The following HS3ST5 variants were observed in gnomAD, a reference collection of about 807,000 sequenced individuals.
The protein encoded by HS3ST5 is heparan sulfate glucosamine 3-O-sulfotransferase 5.
In HS3ST5, 10 loss-of-function variants were observed where a neutral mutation model predicts 25.4. The ratio of observed to expected loss-of-function variants is 0.39; its 90% CI spans 0.24 to 0.67. HS3ST5 has a LOEUF of 0.67. HS3ST5 is among the 30% of genes least tolerant of loss of function. The pLI, the probability that HS3ST5 is intolerant of heterozygous loss-of-function variation, is 0.44. For missense variants in HS3ST5, 324 were observed against 420.7 expected (o/e 0.77, Z 2.01); for synonymous variants, 170 against 162.4 (o/e 1.05, Z -0.36).
chr6:114,203,877 T>C (rs1046405882), intron 2 of HS3ST5, among the ~76,000 whole-genome samples: 6 of 152,128 alleles, frequency 3.9e-5, no homozygotes, highest in African/African-American at 1.4e-4. Context: ...ACCACTGTCT[T>C]AGTGTGATTG....
intron 1 of HS3ST5, among the ~76,000 whole-genome samples, chr6:114,319,519 T>C (rs1775878980): frequency 6.6e-6 from 1 of 152,152 alleles, no homozygotes; most frequent in Non-Finnish European, 1.5e-5. Context: ...CATCTTTTAA[T>C]TCTACTTTTT....
intron 2 of HS3ST5, among the ~76,000 whole-genome samples, chr6:114,227,016 AACT>A (rs1309840897): frequency 6.6e-6 from 1 of 151,948 alleles, no homozygotes; most frequent in Non-Finnish European, 1.5e-5. Context: ...TAAACTTGTG[AACT>A]ACAAATTTTA....
chr6:114,328,962 A>G (rs565893452), intron 1 of HS3ST5, among the ~76,000 whole-genome samples: 5 of 152,102 alleles, frequency 3.3e-5, no homozygotes, highest in East Asian at 1.9e-4. Context: ...TTTGAAGTTA[A>G]ATAGTTTTTT....
intron 3 of HS3ST5, among the ~76,000 whole-genome samples, chr6:114,081,835 TC>T (rs1466671005): frequency 3.9e-5 from 6 of 152,248 alleles, no homozygotes; most frequent in South Asian, 2.1e-4. Context: ...CGCTCACTAT[TC>T]CTTTTTTATT....
intron 3 of HS3ST5, among the ~76,000 whole-genome samples, chr6:114,083,283 G>A (rs185874629): frequency 6.6e-6 from 1 of 152,232 alleles, no homozygotes; most frequent in Admixed American, 6.5e-5. Context: ...GCACTTATAT[G>A]GAGAAGAAAC....
At chr6:114,176,712 T>TC (rs1779740685) in intron 2 of HS3ST5, among the ~76,000 whole-genome samples, 1 of 152,016 alleles carries the variant, frequency 6.6e-6, no homozygotes, top group African/African-American at 2.4e-5. Flanking sequence ...CCCCACGCTA[T>TC]CCCCCAAAAA....
intron 3 of HS3ST5, among the ~76,000 whole-genome samples, chr6:114,073,089 A>G (rs1169017579): frequency 6.6e-6 from 1 of 152,224 alleles, no homozygotes; most frequent in Admixed American, 6.5e-5. Context: ...CTGGCTAGCC[A>G]TATGTAGAAA....
At chr6:114,286,260 A>G (rs1582788364) in intron 1 of HS3ST5, among the ~76,000 whole-genome samples, 1 of 152,044 alleles carries the variant, frequency 6.6e-6, no homozygotes, top group East Asian at 1.9e-4. Flanking sequence ...AATAAATTTA[A>G]TAAAATGGTC....
intron 1 of HS3ST5, among the ~76,000 whole-genome samples, chr6:114,303,198 G>A (rs1186926677): frequency 3.9e-5 from 6 of 152,006 alleles, no homozygotes; most frequent in African/African-American, 1.4e-4. Flanking sequence ...ATGGATTTTG[G>A]AGCCTTTACT....
At chr6:114,324,616 G>T (rs549603063) in intron 1 of HS3ST5, among the ~76,000 whole-genome samples, 2 of 152,312 alleles carry the variant, frequency 1.3e-5, no homozygotes, top group Non-Finnish European at 2.9e-5. Flanking sequence ...AGTGTCACTT[G>T]TCAGTTATTG....
intron 3 of HS3ST5, among the ~76,000 whole-genome samples, chr6:114,126,043 C>A (rs1382700880): frequency 2.0e-5 from 3 of 152,148 alleles, no homozygotes; most frequent in African/African-American, 7.2e-5. Context: ...AATCAAAGAG[C>A]AGCGTGAATC....
At chr6:114,076,757 G>A (rs1272219640) in intron 3 of HS3ST5, among the ~76,000 whole-genome samples, 7 of 152,194 alleles carry the variant, frequency 4.6e-5, no homozygotes. Context: ...GAGGGGCACA[G>A]GAACAGGGCA....
chr6:114,196,052 C>G (rs1780733533), intron 2 of HS3ST5, among the ~76,000 whole-genome samples: 1 of 152,168 alleles, frequency 6.6e-6, no homozygotes, highest in Admixed American at 6.6e-5. Flanking sequence ...CTTATAAAAG[C>G]CTTTGCGTTC....
At chr6:114,284,299 C>T (rs1001639409) in intron 1 of HS3ST5, among the ~76,000 whole-genome samples, 1 of 151,954 alleles carries the variant, frequency 6.6e-6, no homozygotes, top group African/African-American at 2.4e-5. Context: ...GCTTTCATAT[C>T]GAGACATTAT....
At chr6:114,063,898 T>C (rs1562180841) in intron 3 of HS3ST5, among the ~76,000 whole-genome samples, 1 of 152,146 alleles carries the variant, frequency 6.6e-6, no homozygotes, top group Non-Finnish European at 1.5e-5. Flanking sequence ...GGTTTGGTGA[T>C]ATTGGTCTCA....
At chr6:114,254,445 A>G (rs1284469603) in intron 1 of HS3ST5, among the ~76,000 whole-genome samples, 2 of 152,352 alleles carry the variant, frequency 1.3e-5, no homozygotes, top group East Asian at 1.9e-4. Context: ...AGGCTATTGC[A>G]AGTCAAGAAA....
At position 114,187,853 on chromosome 6, in the gene HS3ST5, C is replaced by T. The variant is rs573204006; in HGVS notation, c.-144-19391G>A. On this transcript the variant is annotated intron_variant, in intron 2 of 4. Coordinates refer to ENST00000312719, the MANE Select transcript of HS3ST5 (RefSeq NM_153612.4). Reference sequence around the variant, plus strand: ...ATTGCCACAGCCACCCAACCTTCAGCGACCACAGACCTGACCAGTCAGCCA... The same window carrying T: ...ATTGCCACAGCCACCCAACCTTCAGTGACCACAGACCTGACCAGTCAGCCA... Among the ~76,000 whole-genome samples the T allele has an allele frequency of 1.1e-4, 16 of 152,252 alleles. No individual in the cohort carries two copies. In the South Asian group the frequency reaches 2.1e-3, roughly 20 times the overall value.
chr6:114,306,610 A>G (rs1039441933), intron 1 of HS3ST5, among the ~76,000 whole-genome samples: 3 of 152,066 alleles, frequency 2.0e-5, no homozygotes, highest in African/African-American at 7.2e-5. Context: ...AAACATTCTC[A>G]ATATTCTACA....
chr6:114,179,727 C>CACAA (rs2115020804), intron 2 of HS3ST5, among the ~76,000 whole-genome samples: 1 of 144,868 alleles, frequency 6.9e-6, no homozygotes, highest in Non-Finnish European at 1.5e-5. Context: ...AATTGACTCA[C>CACAA]ACAAACACAA....
Sources: allele counts gnomAD v4.1 joint callset (sites outside exome capture counted in the v4.1 genomes callset), GRCh38; gene constraint gnomAD v4.1.1; transcripts MANE v1.5; gene names NCBI Gene and HGNC (gene_info 2026-07-23, HGNC 2026-07-21).